The following GLRX2 variants were observed in gnomAD, a reference collection of about 807,000 sequenced individuals.
GLRX2 encodes the protein glutaredoxin 2, also known as bA101E13.1 (GRX2 glutaredoxin (thioltransferase) 2).
In GLRX2, 12 loss-of-function variants were observed where a neutral mutation model predicts 16.4. The ratio of observed to expected loss-of-function variants is 0.73; its 90% CI spans 0.47 to 1.19. GLRX2 has a LOEUF of 1.19. GLRX2 is among the 50% of genes most tolerant of loss of function. GLRX2 has a pLI of 0.00. For missense variants in GLRX2, 201 were observed against 201.8 expected, an observed-to-expected ratio of 1.00 and a Z score of 0.02; for synonymous variants, 95 against 76.2, an observed-to-expected ratio of 1.25 and a Z score of -1.28.
upstream of GLRX2, chr1:193,105,947 G>C: frequency 2.9e-6 from 3 of 1,022,496 alleles, no homozygotes; most frequent in Non-Finnish European, 3.5e-6. Flanking sequence ...GGTGTTGAAG[G>C]TTTACTCCAA....
chr1:193,101,695 A>G (rs1675080037), intron 1 of GLRX2, among the ~76,000 whole-genome samples: 1 of 152,216 alleles, frequency 6.6e-6, no homozygotes, highest in South Asian at 2.1e-4. Context: ...AACAATAATC[A>G]CTGGCACGTC....
Position 193,097,627 on chromosome 1 carries a change from T to A in GLRX2, c.317A>T (p.Asn106Ile). 1 of 1,610,276 alleles carries A rather than the reference T, an allele frequency of 6.2e-7. No individual in the cohort carries two copies. ...VVELDLLEYG[N>I]QFQDALYKMT... ...TTTGTAAAGAGCATCTTGGAACTGG[T>A]TTCCATATTCAAGCAGGTCCAGTTC... The change falls in exon 3 of 4, where the codon AAC becomes ATC. Residue 106 changes from asparagine (N) to isoleucine (I), a missense_variant. Coordinates refer to ENST00000367439, the MANE Select transcript of GLRX2 (RefSeq NM_197962.3).
In GLRX2 at chr1:193,105,405, G is replaced by A; in HGVS notation, c.-23C>T. The A allele has an allele frequency of 1.3e-6, 2 of 1,515,394 alleles. No homozygotes were observed. Among genetic ancestry groups the A allele is most frequent in the Non-Finnish European group, 1.8e-6 (2 of 1,141,720 alleles). 93.9% of individuals were successfully genotyped at this position (1,515,394 alleles called of 1,614,324 possible). A position where few individuals can be genotyped will look rare whatever the true frequency, so the allele number is the denominator to read the frequency against. On this transcript the variant is annotated 5_prime_UTR_variant, in exon 1 of 4. Transcript: ENST00000367439. ...CATGGTCAGAGCCCGGATCTGCAGC[G>A]AGCTCTACTGCCGGACACCGCGGAT...
chr1:193,102,471 A>G (rs1386507509), intron 1 of GLRX2, among the ~76,000 whole-genome samples: 1 of 151,740 alleles, frequency 6.6e-6, no homozygotes, highest in African/African-American at 2.4e-5. Flanking sequence ...CCTGCCTCAG[A>G]CTCCCGAGTC....
intron 1 of GLRX2, 67 bp from the exon 2 acceptor site, chr1:193,101,271 T>C: frequency 9.4e-7 from 1 of 1,061,472 alleles, no homozygotes; most frequent in South Asian, 1.4e-5. Context: ...CGAGTTTTAT[T>C]TGAAAAAAAT....
intron 3 of GLRX2, among the ~76,000 whole-genome samples, chr1:193,097,365 C>T (rs1480426972): frequency 6.6e-6 from 1 of 152,180 alleles, no homozygotes; most frequent in Non-Finnish European, 1.5e-5. Flanking sequence ...CTCATAATAA[C>T]ACTACTCATC....
At chr1:193,104,848 G>C (rs1675153268) in intron 1 of GLRX2, among the ~76,000 whole-genome samples, 1 of 152,242 alleles carries the variant, frequency 6.6e-6, no homozygotes, top group South Asian at 2.1e-4. Context: ...AATGCAGGAC[G>C]CCCGGTCAAA....
chr1:193,100,429 G>A (rs535168454), intron 2 of GLRX2, among the ~76,000 whole-genome samples: 36 of 152,238 alleles, frequency 2.4e-4, no homozygotes, highest in East Asian at 1.9e-4. Context: ...AGCTGAGATC[G>A]CACCACTGCA....
chr1:193,101,861 A>C (rs1424948885), intron 1 of GLRX2, among the ~76,000 whole-genome samples: 2 of 152,088 alleles, frequency 1.3e-5, no homozygotes, highest in Non-Finnish European at 2.9e-5. Context: ...AAACCTAGCT[A>C]TTGGGAGCTT....
intron 3 of GLRX2, 94 bp downstream of exon 3, chr1:193,097,490 G>C: frequency 1.1e-6 from 1 of 920,284 alleles, no homozygotes; most frequent in East Asian, 2.8e-5. Flanking sequence ...CTCAGAGAAT[G>C]TCTGGCTCAT....
intron 2 of GLRX2, among the ~76,000 whole-genome samples, chr1:193,099,821 A>G (rs1675036994): frequency 6.6e-6 from 1 of 152,172 alleles, no homozygotes. Flanking sequence ...AGTAATATTT[A>G]GTATAAAAGT....
At chr1:193,098,179 T>C (rs1674998437) in intron 2 of GLRX2, among the ~76,000 whole-genome samples, 2 of 152,240 alleles carry the variant, frequency 1.3e-5, no homozygotes, top group Admixed American at 6.5e-5. Context: ...TCTCAGCTAA[T>C]AGGTGGAAGA....
In GLRX2 at chr1:193,105,132, T is replaced by G; in HGVS notation, c.119+132A>C. On this transcript the variant is annotated intron_variant, in intron 1 of 3. Coordinates refer to ENST00000367439, the MANE Select transcript of GLRX2 (RefSeq NM_197962.3). ...CTCGAGCGCCTCTGCGTGTTATGAC[T>G]CAGAGCCCACGCGCTAGTACGCCTC... 6 of 1,338,868 alleles carry G rather than the reference T, an allele frequency of 4.5e-6. No homozygotes were observed. The South Asian group carries it at 9.9e-5, about 22-fold the overall frequency. 82.9% of individuals were successfully genotyped at this position (1,338,868 alleles called of 1,614,324 possible).
chr1:193,102,272 G>A (rs34147192), intron 1 of GLRX2, among the ~76,000 whole-genome samples: 7,908 of 152,088 alleles, frequency 0.052, 464 homozygotes, highest in African/African-American at 0.15. Flanking sequence ...GTTCTTAAAT[G>A]TAAACATAAA....
At chr1:193,101,249 G>T (rs376344623) in intron 1 of GLRX2, 45 bp from the exon 2 acceptor site, 7 of 1,186,884 alleles carry the variant, frequency 5.9e-6, no homozygotes, top group African/African-American at 3.0e-5. Context: ...AAGCATTAAG[G>T]ATAATTTATC....
chr1:193,105,325 A>G lies in GLRX2; in HGVS notation c.58T>C (p.Ser20Pro). ...GCCGCCCTGTCAAGCCAGCCTGCCG[A>G]GCCGCTCCTGCTCCAAACCAGCCGC... ...GTRLVWSRSG[S>P]AGWLDRAAGA... Residue 20 changes from serine to proline, a missense_variant, in exon 1 of 4, where the codon TCG becomes CCG. Physicochemically the swap from Ser to Pro is moderately conservative, Grantham distance 74 (BLOSUM62 -1). Transcript: ENST00000367439. 6.5e-7 allele frequency: 1 copy of G among 1,543,976 alleles called. No individual in the cohort carries two copies. Among genetic ancestry groups the G allele is most frequent in the Non-Finnish European group, 8.7e-7 (1 of 1,154,746 alleles).
In GLRX2 at chr1:193,096,750, T is replaced by C. The variant is rs769225274; in HGVS notation, c.370A>G (p.Ile124Val). 1 of 1,608,694 alleles carries C rather than the reference T, an allele frequency of 6.2e-7. No homozygotes were observed. The highest frequency in any genetic ancestry group is 1.1e-5 in the South Asian group (1 of 89,996). ...KMTGERTVPR[I>V]FVNGTFIGGA... ...CCAATAAAAGTACCATTGACAAATA[T>C]TCTTGGAACCTGTTGGACAAACAAA... Residue 124 changes from isoleucine to valine, a missense_variant, in exon 4 of 4, where the codon ATA becomes GTA. Physicochemically the swap from Ile to Val is conservative, Grantham distance 29. Coordinates refer to ENST00000367439, the MANE Select transcript of GLRX2 (RefSeq NM_197962.3).
intron 2 of GLRX2, among the ~76,000 whole-genome samples, chr1:193,100,590 G>C (rs1426835725): frequency 2.0e-5 from 3 of 152,192 alleles, no homozygotes; most frequent in Non-Finnish European, 4.4e-5. Context: ...GTAGTAGTGA[G>C]TGGTAAGCAA....
Position 193,101,042 on chromosome 1 carries a change from C to T in GLRX2, c.183+99G>A, listed in dbSNP as rs1232928472. 1.4e-5 allele frequency: 11 copies of T among 785,680 alleles called. No individual in the cohort carries two copies. In the East Asian group the frequency reaches 2.5e-4, roughly 18 times the overall value. 48.7% of individuals were successfully genotyped at this position (785,680 alleles called of 1,614,324 possible). A position where few individuals can be genotyped will look rare whatever the true frequency, so the allele number is the denominator to read the frequency against. ...TTAATCTCTTAATTCATTTGCTAAA[C>T]TATCTCAAGTTTGGATATTGAATAA... is the stretch of plus-strand genomic sequence containing the variant. On this transcript the variant is annotated intron_variant, in intron 2 of 3. Transcript: ENST00000367439.
Sources: gnomAD v4.1 joint callset for allele counts (sites outside exome capture counted in the v4.1 genomes callset) on GRCh38, gnomAD v4.1.1 for gene constraint, MANE v1.5 for transcripts, NCBI Gene and HGNC (gene_info 2026-07-23, HGNC 2026-07-21) for gene names.